CPS1: variants seen among roughly 807,000 people sequenced by gnomAD.
CPS1 encodes the protein carbamoyl-phosphate synthase 1.
A neutral mutation model predicts 174.6 loss-of-function variants in CPS1; 109 were observed. The ratio of observed to expected loss-of-function variants is 0.62; its 90% CI spans 0.53 to 0.73. The LOEUF (loss-of-function observed/expected upper bound fraction) is 0.73, where lower values mean the gene tolerates loss of function less well. Ranked by LOEUF, CPS1 falls within the 30% of genes least tolerant of loss-of-function variation. The pLI is 0.00. For synonymous variants in CPS1, 637 were observed against 632.0 expected (o/e 1.01, Z -0.12); for missense variants, 1,689 against 1,821.9 (o/e 0.93, Z 1.33).
At position 210,587,997 on chromosome 2, in the gene CPS1, A is replaced by G. The variant is rs1698163967; in HGVS notation, c.622-61A>G. 10 of 1,395,404 alleles carry G rather than the reference A, an allele frequency of 7.2e-6. No individual in the cohort carries two copies. The South Asian group carries it at 9.2e-5, about 13-fold the overall frequency. The allele number at this position is 1,395,404 out of a possible 1,614,324, so 86.4% of individuals were successfully genotyped here. On this transcript the variant is annotated intron_variant, in intron 6 of 37. Transcript: ENST00000233072. ...CAAAACATTGTCAGATGTGTTTATG[A>G]TTTTGGTCTGTTGCCCATAGCTGGG...
chr2:210,537,987 T>C (rs1036280794), intron 1 of CPS1, among the ~76,000 whole-genome samples: 1 of 152,214 alleles, frequency 6.6e-6, no homozygotes, highest in African/African-American at 2.4e-5. Context: ...ATATAACTCT[T>C]AACTGCATTT....
At chr2:210,672,697 T>C (rs573884706) in intron 34 of CPS1, 2 of 152,198 alleles carry the variant, frequency 1.3e-5, no homozygotes, top group Non-Finnish European at 2.9e-5. Flanking sequence ...CTAAGCTCAT[T>C]TCTTTCTGTT....
At chr2:210,533,989 G>A (rs998609733) in intron 1 of CPS1, among the ~76,000 whole-genome samples, 2 of 152,168 alleles carry the variant, frequency 1.3e-5, no homozygotes, top group East Asian at 3.9e-4. Context: ...ACAGTGAATC[G>A]TTGAATTAAG....
At chr2:210,513,266 C>T (rs958790861) in intron 1 of CPS1, among the ~76,000 whole-genome samples, 3 of 151,044 alleles carry the variant, frequency 2.0e-5, no homozygotes, top group Non-Finnish European at 4.4e-5. Flanking sequence ...CTGCTTTCTA[C>T]AGTAGCTGAG....
intron 1 of CPS1, among the ~76,000 whole-genome samples, chr2:210,502,522 T>C (rs948462807): frequency 2.7e-5 from 4 of 149,024 alleles, no homozygotes; most frequent in East Asian, 1.9e-4. Context: ...TATATATATA[T>C]ACACACATAT....
chr2:210,564,673 G>T (rs1219667421), intron 1 of CPS1, among the ~76,000 whole-genome samples: 2 of 147,800 alleles, frequency 1.4e-5, no homozygotes, highest in Non-Finnish European at 3.0e-5. Context: ...ACCGCGCCCG[G>T]CCTAGAATGC....
intron 10 of CPS1, among the ~76,000 whole-genome samples, chr2:210,592,371 G>T (rs1698337129): frequency 1.3e-5 from 2 of 151,870 alleles, no homozygotes; most frequent in African/African-American, 4.8e-5. Flanking sequence ...TCTCTCATCA[G>T]TTGACTTGTT....
chr2:210,496,274 T>C (rs1694990393), intron 1 of CPS1, among the ~76,000 whole-genome samples: 1 of 152,164 alleles, frequency 6.6e-6, no homozygotes, highest in African/African-American at 2.4e-5. Flanking sequence ...TGTATGTCTC[T>C]CTGTCTCCAG....
At chr2:210,590,291 A>G in intron 8 of CPS1, 57 bp downstream of exon 8, 4 of 1,609,376 alleles carry the variant, frequency 2.5e-6, no homozygotes, top group East Asian at 2.2e-5. Context: ...CTTCCGCTCT[A>G]TACCCTCAAA....
At chr2:210,549,679 G>C (rs561203720) in intron 1 of CPS1, among the ~76,000 whole-genome samples, 3 of 152,078 alleles carry the variant, frequency 2.0e-5, no homozygotes, top group Non-Finnish European at 4.4e-5. Context: ...TAGATATTTG[G>C]TTTTTATATC....
At chr2:210,663,298 C>A in intron 33 of CPS1, 101 bp downstream of exon 33, 2 of 1,130,186 alleles carry the variant, frequency 1.8e-6, no homozygotes, top group Admixed American at 2.0e-5. Context: ...AAAACATCTG[C>A]TATCAGAGTA....
chr2:210,638,944 T>A (rs1284471202), intron 22 of CPS1, among the ~76,000 whole-genome samples: 1 of 152,170 alleles, frequency 6.6e-6, no homozygotes, highest in Non-Finnish European at 1.5e-5. Context: ...ATGCCCTGTT[T>A]CTCAGGTGAT....
intron 30 of CPS1, among the ~76,000 whole-genome samples, chr2:210,657,034 C>G (rs1222228622): frequency 2.0e-5 from 3 of 152,118 alleles, no homozygotes; most frequent in Non-Finnish European, 4.4e-5. Flanking sequence ...AGAACTGCTA[C>G]TCCTGGGGAT....
At chr2:210,481,470 C>A (rs892201170) in intron 1 of CPS1, among the ~76,000 whole-genome samples, 1 of 152,122 alleles carries the variant, frequency 6.6e-6, no homozygotes, top group African/African-American at 2.4e-5. Flanking sequence ...CCATCCCATC[C>A]AACCACACAA....
chr2:210,616,387 G>A, intron 20 of CPS1, 36 bp from the exon 21 acceptor site: 1 of 1,412,332 alleles, frequency 7.1e-7, no homozygotes, highest in Non-Finnish European at 1.0e-6. Flanking sequence ...TTAGAAAAAT[G>A]TTTGCCAAAG....
intron 1 of CPS1, among the ~76,000 whole-genome samples, chr2:210,523,069 T>C (rs1056682184): frequency 1.3e-5 from 2 of 152,030 alleles, no homozygotes; most frequent in Non-Finnish European, 2.9e-5. Context: ...GGTAAAGTCC[T>C]GGCCCTAACA....
Position 210,608,557 on chromosome 2 carries a change from G to C in CPS1, c.2389G>C (p.Glu797Gln). 6.2e-7 allele frequency: 1 copy of C among 1,611,354 alleles called. No homozygotes were observed. The highest frequency in any genetic ancestry group is 8.5e-7 in the Non-Finnish European group (1 of 1,178,164). The stretch of plus-strand genomic sequence containing the variant: ...TGGTAGCTCTATGAAAAGTGTAGGA[G>C]AGGTGAGTCCTTGGTTTATTACGCT... ...RIGSSMKSVG[E>Q]VMAIGRTFEE... The change falls in exon 19 of 38, where the codon GAG becomes CAG. Residue 797 changes from glutamate to glutamine, a missense_variant and splice_region_variant. Physicochemically the swap from Glu to Gln is conservative, Grantham distance 29 (BLOSUM62 2). Transcript: ENST00000233072.
chr2:210,611,971 C>CTT lies in CPS1; in HGVS notation c.2392-134_2392-133dup, dbSNP rs3060429. ...GAGAGAGGAAGAAAAAAAGGAACAC[C>CTT]TTTTTTTTTTTTTAATTTGAGAGGC... On this transcript the variant is annotated intron_variant, in intron 19 of 37. Coordinates refer to ENST00000233072, the MANE Select transcript of CPS1 (RefSeq NM_001875.5). 146,296 of 585,788 alleles carry CTT rather than the reference C, an allele frequency of 0.25. 8,759 individuals carry two copies. The highest frequency in any genetic ancestry group is 0.3 in the Middle Eastern group (560 of 1,870). 36.3% of individuals were successfully genotyped at this position (585,788 alleles called of 1,614,324 possible).
chr2:210,495,567 C>T (rs1270414759), intron 1 of CPS1, among the ~76,000 whole-genome samples: 4 of 152,196 alleles, frequency 2.6e-5, no homozygotes, highest in African/African-American at 9.7e-5. Flanking sequence ...TACTGCCTCT[C>T]TAGCAATGTG....
Sources: allele counts gnomAD v4.1 joint callset (sites outside exome capture counted in the v4.1 genomes callset), GRCh38; gene constraint gnomAD v4.1.1; transcripts MANE v1.5; gene names NCBI Gene and HGNC (gene_info 2026-07-23, HGNC 2026-07-21).